The following SLC41A2 variants were observed in gnomAD, a reference collection of about 807,000 sequenced individuals.
SLC41A2 encodes SLC41A1-like 1.
SLC41A2 carries 32 observed loss-of-function variants against 58.3 expected under a neutral mutation model. That is an observed-to-expected ratio of 0.55 (90% CI 0.41 to 0.74). SLC41A2 has a LOEUF of 0.74. SLC41A2 is among the 30% of genes least tolerant of loss of function. The probability of loss-of-function intolerance (pLI) is 0.00; values close to 1 mark genes in which losing one functional copy is unlikely to be tolerated. For synonymous variants in SLC41A2, 190 were observed against 235.0 expected (o/e 0.81, Z 1.75); for missense variants, 514 against 680.6 (o/e 0.76, Z 2.72).
At chr12:104,930,162 CT>C (rs1386276557) in intron 1 of SLC41A2, among the ~76,000 whole-genome samples, 1 of 152,070 alleles carries the variant, frequency 6.6e-6, no homozygotes, top group Non-Finnish European at 1.5e-5. Flanking sequence ...TTATTTTTAA[CT>C]TTTCCATGTG....
At chr12:104,925,611 G>C (rs1052539771) in intron 2 of SLC41A2, among the ~76,000 whole-genome samples, 2 of 152,080 alleles carry the variant, frequency 1.3e-5, no homozygotes, top group African/African-American at 2.4e-5. Context: ...TAACACTAAA[G>C]TTTAACATTA....
At chr12:104,888,729 G>A (rs1468610446) in intron 5 of SLC41A2, among the ~76,000 whole-genome samples, 1 of 152,132 alleles carries the variant, frequency 6.6e-6, no homozygotes, top group Non-Finnish European at 1.5e-5. Flanking sequence ...CCAGAAAGGA[G>A]TTTCCCAATT....
At chr12:104,822,238 T>G (rs928028175) in intron 10 of SLC41A2, among the ~76,000 whole-genome samples, 1 of 152,232 alleles carries the variant, frequency 6.6e-6, no homozygotes, top group Non-Finnish European at 1.5e-5. Flanking sequence ...ACTCTTGATA[T>G]CCATAGAATA....
chr12:104,853,913 T>TA (rs1555202444), intron 8 of SLC41A2, among the ~76,000 whole-genome samples: 1,082 of 38,306 alleles, frequency 0.028, 98 homozygotes, highest in Non-Finnish European at 0.056. Flanking sequence ...CCTGGCTGAT[T>TA]TTTTTTTTTT....
intron 5 of SLC41A2, among the ~76,000 whole-genome samples, chr12:104,887,310 G>T (rs1342437873): frequency 6.6e-6 from 1 of 151,832 alleles, no homozygotes; most frequent in African/African-American, 2.4e-5. Flanking sequence ...AAATGTTTTT[G>T]TTCCAGCATA....
intron 2 of SLC41A2, among the ~76,000 whole-genome samples, chr12:104,926,045 T>C (rs2135873262): frequency 6.6e-6 from 1 of 152,362 alleles, no homozygotes; most frequent in East Asian, 1.9e-4. Context: ...AATGTTTCTA[T>C]TTATGTATAT....
In SLC41A2 at chr12:104,866,493, C is replaced by T. The variant is rs755758704; in HGVS notation, c.1114G>A (p.Ala372Thr). Residue 372 changes from alanine (A) to threonine (T), a missense_variant, in exon 7 of 11, where the codon GCC becomes ACC. Around this residue, in one of 3 missense-constraint regions of SLC41A2, gnomAD observed 50 missense variants for 104.5 expected, o/e 0.48. Coordinates refer to ENST00000258538, the MANE Select transcript of SLC41A2 (RefSeq NM_001352171.3). ...IWIIIAAKHP[A>T]TRTVLHSGWE... is the part of the protein sequence containing the mutation. The stretch of plus-strand genomic sequence containing the variant: ...CCTGAGTGGAGAACTGTTCTTGTGG[C>T]TGGATGTTTGGCAGCTATTATAATC... The T allele has an allele frequency of 6.2e-7, 1 of 1,611,986 alleles. No individual in the cohort carries two copies. The highest frequency in any genetic ancestry group is 8.5e-7 in the Non-Finnish European group (1 of 1,179,512).
chr12:104,833,961 C>A, intron 10 of SLC41A2: 1 of 929,740 alleles, frequency 1.1e-6, no homozygotes, highest in Non-Finnish European at 1.3e-6. Context: ...GCAATGTCAG[C>A]AGGATTCAGA....
intron 10 of SLC41A2, among the ~76,000 whole-genome samples, chr12:104,829,008 G>T (rs1391605999): frequency 6.6e-6 from 1 of 152,168 alleles, no homozygotes; most frequent in Non-Finnish European, 1.5e-5. Context: ...ACAATACTAG[G>T]TGATAGCAAG....
intron 10 of SLC41A2, among the ~76,000 whole-genome samples, chr12:104,809,167 C>A (rs1322488150): frequency 1.3e-5 from 2 of 152,182 alleles, no homozygotes; most frequent in African/African-American, 4.8e-5. Flanking sequence ...GCCTGGCACA[C>A]AATAAACTTT....
In SLC41A2 at chr12:104,891,661, G is replaced by GT. The variant is rs541962289; in HGVS notation, c.736-2485dup. Among the ~76,000 whole-genome samples the GT allele has an allele frequency of 4.9e-4, 75 of 151,722 alleles. No homozygotes were observed. In the East Asian group the frequency reaches 0.011, roughly 22 times the overall value. On this transcript the variant is annotated intron_variant, in intron 4 of 10. Coordinates refer to ENST00000258538, the MANE Select transcript of SLC41A2 (RefSeq NM_001352171.3). ...AAAGAGGAAAGAGACTTTCACCACT[G>GT]TTTTTTTAACATACTACTAGAAGTC...
At chr12:104,892,477 T>C (rs1273026971) in intron 4 of SLC41A2, among the ~76,000 whole-genome samples, 2 of 151,640 alleles carry the variant, frequency 1.3e-5, no homozygotes, top group Non-Finnish European at 2.9e-5. Flanking sequence ...AAAATGCCAA[T>C]GACATTCTTC....
At chr12:104,936,265 AC>A (rs1438356983) in intron 1 of SLC41A2, among the ~76,000 whole-genome samples, 1 of 152,190 alleles carries the variant, frequency 6.6e-6, no homozygotes, top group African/African-American at 2.4e-5. Flanking sequence ...ACTATACTAT[AC>A]TTTTTATATT....
At chr12:104,856,129 G>T (rs2043012411) in intron 8 of SLC41A2, among the ~76,000 whole-genome samples, 1 of 152,028 alleles carries the variant, frequency 6.6e-6, no homozygotes, top group South Asian at 2.1e-4. Flanking sequence ...GCTGGTCTGG[G>T]GACCACACTT....
At position 104,886,277 on chromosome 12, in the gene SLC41A2, T is replaced by C. The variant is rs902394812; in HGVS notation, c.1027+16A>G. 1 of 1,610,460 alleles carries C rather than the reference T, an allele frequency of 6.2e-7. No homozygotes were observed. The highest frequency in any genetic ancestry group is 1.7e-5 in the Admixed American group (1 of 59,264). ...ACTTGAGACAACACACAATATTTAG[T>C]TTTAAATCAACTTACCAAGACAGGA... On this transcript the variant is annotated intron_variant, in intron 6 of 10. Transcript: ENST00000258538.
intron 6 of SLC41A2, among the ~76,000 whole-genome samples, chr12:104,880,495 T>C (rs1191561494): frequency 1.3e-5 from 2 of 152,234 alleles, no homozygotes; most frequent in Non-Finnish European, 2.9e-5. Flanking sequence ...GTCCCATCAA[T>C]ACCTAGTTTA....
chr12:104,910,631 C>A (rs2046043509), intron 2 of SLC41A2, among the ~76,000 whole-genome samples: 1 of 152,058 alleles, frequency 6.6e-6, no homozygotes, highest in South Asian at 2.1e-4. Context: ...CCTCATTATA[C>A]CCTCTTCCCT....
intron 8 of SLC41A2, among the ~76,000 whole-genome samples, chr12:104,851,489 T>C (rs1592994728): frequency 6.6e-6 from 1 of 152,132 alleles, no homozygotes; most frequent in African/African-American, 2.4e-5. Flanking sequence ...GCTCAAGTGA[T>C]CCTCCTGCCT....
intron 4 of SLC41A2, among the ~76,000 whole-genome samples, chr12:104,890,010 C>T (rs1238417730): frequency 6.6e-6 from 1 of 152,156 alleles, no homozygotes; most frequent in African/African-American, 2.4e-5. Context: ...ATTGCACTCA[C>T]TCTTAGCTGA....
Sources: gnomAD v4.1 joint callset for allele counts (sites outside exome capture counted in the v4.1 genomes callset) on GRCh38, gnomAD v4.1.1 for gene constraint, gnomAD v4.1.1 regional missense constraint, MANE v1.5 for transcripts, NCBI Gene and HGNC (gene_info 2026-07-23, HGNC 2026-07-21) for gene names.